Variants in NFX1 observed in about 807,000 individuals in gnomAD.
NFX1 encodes transcriptional repressor NF-X1.
In NFX1, 69 loss-of-function variants were observed where a neutral mutation model predicts 137.2. That is an observed-to-expected ratio of 0.50 (90% CI 0.41 to 0.61). NFX1 has a LOEUF of 0.61. Ranked by LOEUF, NFX1 falls within the 20% of genes least tolerant of loss-of-function variation. The pLI is 0.00. For missense variants in NFX1, 1,167 were observed against 1,391.0 expected (o/e 0.84, Z 2.56); for synonymous variants, 495 against 474.1 (o/e 1.04, Z -0.57).
intron 9 of NFX1, among the ~76,000 whole-genome samples, chr9:33,320,109 C>T (rs1052623923): frequency 6.6e-6 from 1 of 151,472 alleles, no homozygotes; most frequent in Admixed American, 6.6e-5. Context: ...TTACAGGCAC[C>T]TGCAATCATG....
intron 6 of NFX1, among the ~76,000 whole-genome samples, chr9:33,313,427 TA>T (rs1037983606): frequency 3.3e-4 from 47 of 141,262 alleles, no homozygotes; most frequent in Middle Eastern, 3.6e-3. Flanking sequence ...TGTCTCTATT[TA>T]AAAAAAAAAA....
intron 19 of NFX1, among the ~76,000 whole-genome samples, chr9:33,359,986 T>G (rs978283294): frequency 6.6e-6 from 1 of 152,206 alleles, no homozygotes. Context: ...GAAGGTAATA[T>G]GATGACTAGT....
intron 5 of NFX1, among the ~76,000 whole-genome samples, chr9:33,310,078 C>T (rs1289949457): frequency 1.3e-5 from 2 of 152,188 alleles, no homozygotes; most frequent in East Asian, 3.8e-4. Context: ...CAAAATGAGT[C>T]ATCTTAGAAG....
chr9:33,346,044 T>A (rs1354510346), intron 14 of NFX1, among the ~76,000 whole-genome samples: 4 of 152,220 alleles, frequency 2.6e-5, no homozygotes, highest in African/African-American at 4.8e-5. Context: ...AACTCTTGAT[T>A]TTTTAAGTTA....
intron 19 of NFX1, 82 bp downstream of exon 19, chr9:33,354,974 C>T: frequency 7.4e-7 from 1 of 1,345,646 alleles, no homozygotes; most frequent in African/African-American, 1.4e-5. Flanking sequence ...CTTCAAACGT[C>T]ATTCACTCAG....
intron 14 of NFX1, among the ~76,000 whole-genome samples, chr9:33,345,525 T>C (rs1269415203): frequency 6.6e-6 from 1 of 152,166 alleles, no homozygotes; most frequent in African/African-American, 2.4e-5. Flanking sequence ...AATAATCTAT[T>C]ATATGTCACC....
Position 33,305,913 on chromosome 9 carries a change from A to G in NFX1, c.1271-1281A>G, listed in dbSNP as rs974378509. 2.6e-5 allele frequency among the ~76,000 whole-genome samples: 4 copies of G among 152,350 alleles called. No homozygotes were observed. In the South Asian group the frequency reaches 8.3e-4, roughly 32 times the overall value. On this transcript the variant is annotated intron_variant, in intron 4 of 23. Transcript: ENST00000379540. ...GATGAGAATCACAGCTGAGAGGAGTAGTTAAGACCCTAGCGGATGAAAGGG... is the reference window on the plus strand; with the variant it reads ...GATGAGAATCACAGCTGAGAGGAGTGGTTAAGACCCTAGCGGATGAAAGGG...
rs1283575953 is a variant in NFX1, at chr9:33,338,532, G to A, written c.2058G>A (p.Lys686=). 4 of 1,604,826 alleles carry A rather than the reference G, an allele frequency of 2.5e-6. No homozygotes were observed. Among genetic ancestry groups the A allele is most frequent in the Non-Finnish European group, 3.4e-6 (4 of 1,177,472 alleles). Residue 686 remains lysine, a synonymous_variant, in exon 12 of 24, where the codon AAG becomes AAA. Transcript: ENST00000379540. ...CAGATGCTACATTTATGTGTGACAA[G>A]CGGTGTAACAAGAAACGGTTGTGTG... is the stretch of plus-strand genomic sequence containing the variant. ...KSEDATFMCD[K]RCNKKRLCGR...
chr9:33,309,360 GA>G (rs34060097), intron 5 of NFX1, among the ~76,000 whole-genome samples: 141,960 of 146,142 alleles, frequency 0.97, 68,988 homozygotes, highest in East Asian at 1. Flanking sequence ...CCGTCTCAGA[GA>G]AAAAAAAAAA....
At chr9:33,335,084 CTTTT>C (rs567861463) in intron 11 of NFX1, among the ~76,000 whole-genome samples, 1 of 151,054 alleles carries the variant, frequency 6.6e-6, no homozygotes, top group Non-Finnish European at 1.5e-5. Context: ...GGTTAGCCCA[CTTTT>C]TTTTTAGTTG....
intron 11 of NFX1, among the ~76,000 whole-genome samples, chr9:33,335,729 C>T (rs1212629796): frequency 6.6e-6 from 1 of 152,142 alleles, no homozygotes. Flanking sequence ...CCCCAGGTAA[C>T]CACTGATCTG....
Position 33,318,836 on chromosome 9 carries a change from G to A in NFX1, c.1688+6G>A, listed in dbSNP as rs1469789162. 1 of 1,614,208 alleles carries A rather than the reference G, an allele frequency of 6.2e-7. No individual in the cohort carries two copies. Among genetic ancestry groups the A allele is most frequent in the Non-Finnish European group, 8.5e-7 (1 of 1,180,032 alleles). ...TGTTTAAAGATATGTGGCAAGTAAGGTTTTACGTTTTCTTCAGTTGAACTA... is the reference window on the plus strand; with the variant it reads ...TGTTTAAAGATATGTGGCAAGTAAGATTTTACGTTTTCTTCAGTTGAACTA... On this transcript the variant is annotated splice_donor_region_variant and intron_variant, in intron 8 of 23. Coordinates refer to ENST00000379540, the MANE Select transcript of NFX1 (RefSeq NM_002504.6).
chr9:33,290,785 G>A (rs576022340), intron 1 of NFX1, among the ~76,000 whole-genome samples, 188 bp downstream of exon 1: 2 of 152,256 alleles, frequency 1.3e-5, no homozygotes, highest in South Asian at 4.1e-4. Context: ...GGACTAGATG[G>A]TGAAGCCCAG....
chr9:33,324,509 C>T (rs939189922), intron 9 of NFX1, among the ~76,000 whole-genome samples: 1 of 152,172 alleles, frequency 6.6e-6, no homozygotes, highest in Non-Finnish European at 1.5e-5. Flanking sequence ...CATGATCATG[C>T]CACTGCGCTT....
Position 33,344,062 on chromosome 9 carries a change from C to T in NFX1, c.2225-7C>T. 1.9e-6 allele frequency: 3 copies of T among 1,613,814 alleles called. No individual in the cohort carries two copies. Among genetic ancestry groups the T allele is most frequent in the Non-Finnish European group, 2.5e-6 (3 of 1,179,824 alleles). Reference sequence around the variant, plus strand: ...GGATTCTTTTGTTTTACCTGCTGCTCCACCAGGTTTTGATGAATTAACCTG... The same window carrying T: ...GGATTCTTTTGTTTTACCTGCTGCTTCACCAGGTTTTGATGAATTAACCTG... On this transcript the variant is annotated splice_region_variant and splice_polypyrimidine_tract_variant and intron_variant, in intron 13 of 23. Transcript: ENST00000379540.
At chr9:33,338,349 C>T (rs1393529936) in intron 11 of NFX1, among the ~76,000 whole-genome samples, 161 bp from the exon 12 acceptor site, 1 of 151,996 alleles carries the variant, frequency 6.6e-6, no homozygotes, top group Non-Finnish European at 1.5e-5. Context: ...AGAAAGACTC[C>T]ATCTCAAAAA....
chr9:33,348,480 C>G (rs546789290), intron 15 of NFX1: 1 of 149,998 alleles, frequency 6.7e-6, no homozygotes, highest in Non-Finnish European at 1.5e-5. Context: ...ACCTGTTCCC[C>G]AAGAACTATT....
rs1027953067 is a variant in NFX1, at chr9:33,294,404, A to T, written c.26-16A>T. 3.9e-6 allele frequency: 6 copies of T among 1,530,228 alleles called. No individual in the cohort carries two copies. Among genetic ancestry groups the T allele is most frequent in the Non-Finnish European group, 5.2e-6 (6 of 1,143,096 alleles). 94.8% of individuals were successfully genotyped at this position (1,530,228 alleles called of 1,614,324 possible). On this transcript the variant is annotated splice_polypyrimidine_tract_variant and intron_variant, in intron 1 of 23. Transcript: ENST00000379540. The stretch of plus-strand genomic sequence containing the variant: ...GTTTAATCTCTTTACTGGCATGTCT[A>T]TTTTTTATGTCCTAGGTACTTTTAA...
chr9:33,324,785 C>A (rs2118437038), intron 9 of NFX1, among the ~76,000 whole-genome samples: 1 of 151,518 alleles, frequency 6.6e-6, no homozygotes, highest in South Asian at 2.1e-4. Flanking sequence ...AAAAATTAGC[C>A]AGGTGTGGTG....
Sources: gnomAD v4.1 joint callset for allele counts (sites outside exome capture counted in the v4.1 genomes callset) on GRCh38, gnomAD v4.1.1 for gene constraint, MANE v1.5 for transcripts, NCBI Gene and HGNC (gene_info 2026-07-23, HGNC 2026-07-21) for gene names.